The following SH3RF2 variants were observed in gnomAD, a reference collection of about 807,000 sequenced individuals.
SH3RF2 encodes SH3 domain containing ring finger 2, also known as E3 ubiquitin-protein ligase SH3RF2.
Under a neutral mutation model 59.0 loss-of-function variants are expected in SH3RF2, and 43 were observed. The ratio of observed to expected loss-of-function variants is 0.73; its 90% CI spans 0.57 to 0.94. The LOEUF (loss-of-function observed/expected upper bound fraction) is 0.94, where lower values mean the gene tolerates loss of function less well. Among genes scored for constraint, SH3RF2 ranks in the 40% least tolerant of loss-of-function variants. SH3RF2 has a pLI of 0.00. For synonymous variants in SH3RF2, 391 were observed against 391.5 expected (o/e 1.00, Z 0.01); for missense variants, 930 against 940.1 (o/e 0.99, Z 0.14).
chr5:145,985,696 C>G (rs1470669378), intron 2 of SH3RF2, among the ~76,000 whole-genome samples: 4 of 152,160 alleles, frequency 2.6e-5, no homozygotes, highest in Non-Finnish European at 5.9e-5. Flanking sequence ...AAAGATACTT[C>G]TGGAGCTTTC....
chr5:145,938,832 G>A (rs1026047306), intron 2 of SH3RF2, among the ~76,000 whole-genome samples: 4 of 152,212 alleles, frequency 2.6e-5, no homozygotes, highest in African/African-American at 9.7e-5. Context: ...TACTTGACGC[G>A]GGAGATAGTG....
At chr5:145,950,527 T>C (rs924451948) in intron 2 of SH3RF2, among the ~76,000 whole-genome samples, 2 of 151,476 alleles carry the variant, frequency 1.3e-5, no homozygotes, top group African/African-American at 4.9e-5. Flanking sequence ...TGTAGGTAAA[T>C]AGAGAGGGAA....
At chr5:145,952,334 G>A (rs543771993) in intron 2 of SH3RF2, among the ~76,000 whole-genome samples, 3 of 152,060 alleles carry the variant, frequency 2.0e-5, no homozygotes, top group Non-Finnish European at 4.4e-5. Flanking sequence ...TTCTCATAAA[G>A]AGCCTCTAAC....
intron 4 of SH3RF2, among the ~76,000 whole-genome samples, chr5:146,013,483 G>T (rs550882025): frequency 1.8e-4 from 28 of 152,274 alleles, no homozygotes; most frequent in African/African-American, 6.3e-4. Context: ...AGAGCATCAT[G>T]GCTTATTTTT....
At chr5:145,965,793 T>C (rs774726227) in intron 2 of SH3RF2, among the ~76,000 whole-genome samples, 3 of 152,128 alleles carry the variant, frequency 2.0e-5, no homozygotes, top group Non-Finnish European at 4.4e-5. Context: ...ATCAGAGAGA[T>C]GTTAAGAAGT....
Position 146,013,929 on chromosome 5 carries a change from C to T in SH3RF2, c.927C>T (p.Asn309=), listed in dbSNP as rs752132381. 9 of 1,614,188 alleles carry T rather than the reference C, an allele frequency of 5.6e-6. No individual in the cohort carries two copies. In the South Asian group the frequency reaches 9.9e-5, roughly 18 times the overall value. Residue 309 remains asparagine (N), a synonymous_variant, in exon 5 of 10, where the codon AAC becomes AAT. Transcript: ENST00000359120. ...FSITTALNTL[N]RMVHSPSGRH... ...TCACAACAGCCTTGAACACTCTCAA[C>T]CGGATGGTCCATTCTCCTTCAGGGC...
downstream of SH3RF2, among the ~76,000 whole-genome samples, chr5:146,064,786 A>G (rs1763043658): frequency 4.7e-5 from 1 of 21,302 alleles, no homozygotes; most frequent in Non-Finnish European, 9.6e-5. Context: ...AAAGGAAGGA[A>G]GGAAGGAAGG....
At chr5:146,015,189 C>T (rs1051726210) in intron 5 of SH3RF2, among the ~76,000 whole-genome samples, 1 of 152,292 alleles carries the variant, frequency 6.6e-6, no homozygotes, top group South Asian at 2.1e-4. Flanking sequence ...CCTCAAAGAC[C>T]TGTGTGCTAT....
chr5:146,070,978 C>A (rs140025478), intron 9 of SH3RF2, among the ~76,000 whole-genome samples: 6 of 152,114 alleles, frequency 3.9e-5, no homozygotes, highest in Non-Finnish European at 8.8e-5. Context: ...CATGACCGAC[C>A]GACTTAATGA....
At chr5:146,026,960 T>C (rs1046676463) in intron 5 of SH3RF2, among the ~76,000 whole-genome samples, 1 of 152,214 alleles carries the variant, frequency 6.6e-6, no homozygotes, top group Non-Finnish European at 1.5e-5. Context: ...CTGTTGTTAT[T>C]ATTATCATTG....
At chr5:145,950,083 AATC>A (rs1456310844) in intron 2 of SH3RF2, among the ~76,000 whole-genome samples, 1 of 152,170 alleles carries the variant, frequency 6.6e-6, no homozygotes, top group Non-Finnish European at 1.5e-5. Context: ...TATAGTTGCT[AATC>A]ATCACCTTCA....
intron 2 of SH3RF2, among the ~76,000 whole-genome samples, chr5:145,969,287 GA>G (rs1348011485): frequency 8.6e-5 from 13 of 152,014 alleles, no homozygotes; most frequent in African/African-American, 1.7e-4. Flanking sequence ...AACATTTAAA[GA>G]AAAAAACTCT....
intron 2 of SH3RF2, among the ~76,000 whole-genome samples, chr5:145,961,774 C>T (rs779609722): frequency 6.6e-6 from 1 of 152,194 alleles, no homozygotes; most frequent in Non-Finnish European, 1.5e-5. Context: ...TCTGTCAATA[C>T]AGTTTATCTG....
chr5:146,017,697 A>G (rs568352945), intron 5 of SH3RF2, among the ~76,000 whole-genome samples: 1 of 152,164 alleles, frequency 6.6e-6, no homozygotes, highest in African/African-American at 2.4e-5. Flanking sequence ...TGTGCCACCT[A>G]AATAGTTATT....
intron 5 of SH3RF2, among the ~76,000 whole-genome samples, chr5:146,027,528 C>A (rs998317723): frequency 7.9e-5 from 12 of 152,316 alleles, no homozygotes; most frequent in African/African-American, 2.9e-4. Context: ...AGCCATGGAA[C>A]CTCCAAGCTA....
downstream of SH3RF2, chr5:146,063,294 C>T (rs772412578): frequency 2.0e-5 from 3 of 152,492 alleles, no homozygotes; most frequent in Non-Finnish European, 4.4e-5. Flanking sequence ...AAGGAGCCAG[C>T]TTCCTGAGTA....
chr5:146,057,364 AACAC>A (rs1344470556), intron 8 of SH3RF2, among the ~76,000 whole-genome samples: 1 of 151,832 alleles, frequency 6.6e-6, no homozygotes, highest in Non-Finnish European at 1.5e-5. Flanking sequence ...CTCTCCCCAC[AACAC>A]ACACACACAA....
chr5:146,048,914 C>T (rs1762394867), intron 6 of SH3RF2, among the ~76,000 whole-genome samples, 161 bp from the exon 7 acceptor site: 1 of 152,160 alleles, frequency 6.6e-6, no homozygotes. Context: ...GCCTTGGCCT[C>T]CCGAACTGCT....
At chr5:145,975,485 A>AT (rs2149965035) in intron 2 of SH3RF2, among the ~76,000 whole-genome samples, 2 of 152,330 alleles carry the variant, frequency 1.3e-5, no homozygotes, top group East Asian at 3.9e-4. Flanking sequence ...TGGATATCAG[A>AT]TCCCCCTTCC....
Sources: allele counts gnomAD v4.1 joint callset (sites outside exome capture counted in the v4.1 genomes callset), GRCh38; gene constraint gnomAD v4.1.1; transcripts MANE v1.5; gene names NCBI Gene and HGNC (gene_info 2026-07-23, HGNC 2026-07-21).